The following CRYBG3 variants were observed in gnomAD, a reference collection of about 807,000 sequenced individuals.
The protein encoded by CRYBG3 is crystallin beta-gamma domain containing 3.
Under a neutral mutation model 244.2 loss-of-function variants are expected in CRYBG3, and 127 were observed. The ratio of observed to expected loss-of-function variants is 0.52; its 90% confidence interval spans 0.45 to 0.60. CRYBG3 has a LOEUF of 0.60. Among genes scored for constraint, CRYBG3 ranks in the 20% least tolerant of loss-of-function variants. The probability of loss-of-function intolerance (pLI) is 0.00; values close to 1 mark genes in which losing one functional copy is unlikely to be tolerated. For synonymous variants in CRYBG3, 1,132 were observed against 1,195.8 expected (o/e 0.95, Z 1.10); for missense variants, 3,325 against 3,442.5 (o/e 0.97, Z 0.85).
chr3:97,930,800 T>C (rs1215694493), intron 17 of CRYBG3, among the ~76,000 whole-genome samples: 2 of 152,078 alleles, frequency 1.3e-5, no homozygotes, highest in Non-Finnish European at 2.9e-5. Flanking sequence ...GGAAGATGCT[T>C]TAAACTTTCC....
At chr3:97,884,088 G>T (rs531862968) in intron 7 of CRYBG3, among the ~76,000 whole-genome samples, 2 of 152,216 alleles carry the variant, frequency 1.3e-5, no homozygotes, top group African/African-American at 4.8e-5. Context: ...TCAGATCCCT[G>T]GGGGGACATT....
chr3:97,884,363 A>G (rs1027355800), intron 7 of CRYBG3, among the ~76,000 whole-genome samples: 2 of 152,120 alleles, frequency 1.3e-5, no homozygotes, highest in African/African-American at 4.8e-5. Flanking sequence ...GGTTTTTTTT[A>G]AAAGATATGA....
At chr3:97,869,267 C>T (rs1401011115) in intron 3 of CRYBG3, among the ~76,000 whole-genome samples, 1 of 151,924 alleles carries the variant, frequency 6.6e-6, no homozygotes, top group Non-Finnish European at 1.5e-5. Flanking sequence ...TTGGTAGTTA[C>T]AAATTAAATG....
chr3:97,835,816 T>C (rs968666791), intron 1 of CRYBG3, among the ~76,000 whole-genome samples: 4 of 152,112 alleles, frequency 2.6e-5, no homozygotes, highest in Non-Finnish European at 5.9e-5. Flanking sequence ...TTGAATGATA[T>C]GTGAATGAAT....
intron 1 of CRYBG3, among the ~76,000 whole-genome samples, chr3:97,827,666 A>T (rs1163337009): frequency 6.6e-6 from 1 of 152,186 alleles, no homozygotes; most frequent in Non-Finnish European, 1.5e-5. Context: ...AATACCCTTT[A>T]TTAAGCCCTG....
chr3:97,846,447 A>G (rs2038902308), intron 2 of CRYBG3, among the ~76,000 whole-genome samples: 1 of 152,154 alleles, frequency 6.6e-6, no homozygotes. Flanking sequence ...TCCAGACTTG[A>G]TTATCAATGT....
Position 97,877,470 on chromosome 3 carries a change from C to T in CRYBG3, c.6276C>T (p.Asp2092=). 6.2e-7 allele frequency: 1 copy of T among 1,614,170 alleles called. No homozygotes were observed. The highest frequency in any genetic ancestry group is 8.5e-7 in the Non-Finnish European group (1 of 1,180,010). Residue 2092 remains aspartate, a synonymous_variant, in exon 4 of 22, where the codon GAC becomes GAT. Coordinates refer to ENST00000389622, the MANE Select transcript of CRYBG3 (RefSeq NM_153605.4). ...CATTGTCTCCCATTTATGAGGATGACAGCTCACAGGAGGACATTCTATCTA... is the reference window on the plus strand; with the variant it reads ...CATTGTCTCCCATTTATGAGGATGATAGCTCACAGGAGGACATTCTATCTA... ...PLALSPIYED[D]SSQEDILSSE...
chr3:97,915,543 C>T (rs2039919648), intron 16 of CRYBG3, 67 bp from the exon 17 acceptor site: 1 of 1,514,380 alleles, frequency 6.6e-7, no homozygotes, highest in Non-Finnish European at 9.0e-7. Flanking sequence ...ATTCCCACAG[C>T]ATGATAATGA....
intron 16 of CRYBG3, among the ~76,000 whole-genome samples, chr3:97,914,223 G>A: frequency 6.6e-6 from 1 of 152,106 alleles, no homozygotes; most frequent in African/African-American, 2.4e-5. Context: ...ATAAAGTAGG[G>A]CAGTATAAGT....
intron 10 of CRYBG3, among the ~76,000 whole-genome samples, chr3:97,891,110 G>GT (rs1282526122): frequency 6.6e-6 from 1 of 152,080 alleles, no homozygotes; most frequent in African/African-American, 2.4e-5. Flanking sequence ...AGTTAGCATT[G>GT]TAAGAAACAG....
At chr3:97,833,537 G>A (rs2038685558) in intron 1 of CRYBG3, among the ~76,000 whole-genome samples, 1 of 152,060 alleles carries the variant, frequency 6.6e-6, no homozygotes, top group African/African-American at 2.4e-5. Context: ...ACAGGGAGGG[G>A]AACATCACAC....
In CRYBG3 at chr3:97,888,556, A is replaced by G. The variant is rs143596835; in HGVS notation, c.7404+101A>G. On this transcript the variant is annotated intron_variant, in intron 9 of 21. Transcript: ENST00000389622. ...TCATGCATCTCAATCTCAAGTGAAT[A>G]TGTGTACTACTGAATTGGCAAACTA... is the stretch of plus-strand genomic sequence containing the variant. 322 of 770,264 alleles carry G rather than the reference A, an allele frequency of 4.2e-4. 2 individuals carry two copies. The East Asian group carries it at 8.1e-3, about 19-fold the overall frequency. The allele number at this position is 770,264 out of a possible 1,614,324, so 47.7% of individuals were successfully genotyped here. A position where few individuals can be genotyped will look rare whatever the true frequency, so the allele number is the denominator to read the frequency against.
At position 97,877,132 on chromosome 3, in the gene CRYBG3, A is replaced by G; in HGVS notation, c.5938A>G (p.Ser1980Gly). 6.2e-7 allele frequency: 1 copy of G among 1,613,994 alleles called. No homozygotes were observed. The stretch of plus-strand genomic sequence containing the variant: ...TGACAAGAGGAGAGAGACAGATTAT[A>G]GTGACAAAGGATATAATTTAGCTTT... Reference protein sequence around the residue: ...IYDKRRETDYSDKGYNLAFVS... With the variant: ...IYDKRRETDYGDKGYNLAFVS... Residue 1980 changes from serine to glycine, a missense_variant, in exon 4 of 22, where the codon AGT becomes GGT. By Grantham distance (56) the Ser-to-Gly change is moderately conservative. Around this residue, in one of 4 missense-constraint regions of CRYBG3, gnomAD observed 450 missense variants for 424.1 expected, o/e 1.06. Coordinates refer to ENST00000389622, the MANE Select transcript of CRYBG3 (RefSeq NM_153605.4).
chr3:97,890,260 A>G (rs1465511365), intron 10 of CRYBG3, among the ~76,000 whole-genome samples: 1 of 152,206 alleles, frequency 6.6e-6, no homozygotes, highest in Non-Finnish European at 1.5e-5. Context: ...TCCCAGAGAT[A>G]CTGTATTAGT....
chr3:97,882,364 G>A (rs2039458415), intron 7 of CRYBG3, among the ~76,000 whole-genome samples: 1 of 151,128 alleles, frequency 6.6e-6, no homozygotes, highest in African/African-American at 2.4e-5. Flanking sequence ...CTACTACTTA[G>A]TATAGACGTG....
chr3:97,883,561 TC>T (rs371015137), intron 7 of CRYBG3, among the ~76,000 whole-genome samples: 76 of 152,304 alleles, frequency 5.0e-4, no homozygotes, highest in African/African-American at 1.7e-3. Flanking sequence ...TATTTGCACG[TC>T]CACCATTTGC....
At position 97,872,017 on chromosome 3, in the gene CRYBG3, A is replaced by G. The variant is rs1576535126; in HGVS notation, c.823A>G (p.Ile275Val). 2 of 1,535,864 alleles carry G rather than the reference A, an allele frequency of 1.3e-6. No individual in the cohort carries two copies. The highest frequency in any genetic ancestry group is 1.7e-6 in the Non-Finnish European group (2 of 1,146,764). ...CAGACACATTGACCCTGGAAGTGAG[A>G]TTGAGGCTGGGGTACTGCCACTGTT... Reference protein sequence around the residue: ...TNRHIDPGSEIEAGVLPLLLS... With the variant: ...TNRHIDPGSEVEAGVLPLLLS... The change falls in exon 4 of 22, where the codon ATT becomes GTT. Residue 275 changes from isoleucine (I) to valine (V), a missense_variant. Around this residue, in one of 4 missense-constraint regions of CRYBG3, gnomAD observed 1,526 missense variants for 1,443.2 expected, o/e 1.06. Coordinates refer to ENST00000389622, the MANE Select transcript of CRYBG3 (RefSeq NM_153605.4).
At position 97,876,421 on chromosome 3, in the gene CRYBG3, C is replaced by A; in HGVS notation, c.5227C>A (p.Pro1743Thr). 8.1e-7 allele frequency: 1 copy of A among 1,231,940 alleles called. No individual in the cohort carries two copies. The allele number at this position is 1,231,940 out of a possible 1,614,324, so 76.3% of individuals were successfully genotyped here. A position where few individuals can be genotyped will look rare whatever the true frequency, so the allele number is the denominator to read the frequency against. ...GAGGTTAGAAATGGAAAATACTTAC[C>A]CAAAGGATACTGAAAGAGACGGTGG... ...PVRLEMENTY[P>T]KDTERDGGKT... Residue 1743 changes from proline to threonine, a missense_variant, in exon 4 of 22, where the codon CCA (proline) becomes ACA (threonine). Transcript: ENST00000389622.
chr3:97,890,771 G>A (rs2039567278), intron 10 of CRYBG3, among the ~76,000 whole-genome samples: 1 of 152,092 alleles, frequency 6.6e-6, no homozygotes, highest in African/African-American at 2.4e-5. Flanking sequence ...TGACATTTGT[G>A]CACAAATTAT....
Sources: gnomAD v4.1 joint callset for allele counts (sites outside exome capture counted in the v4.1 genomes callset) on GRCh38, gnomAD v4.1.1 for gene constraint, gnomAD v4.1.1 regional missense constraint, MANE v1.5 for transcripts, NCBI Gene and HGNC (gene_info 2026-07-23, HGNC 2026-07-21) for gene names.